The following S100A8 variants were observed in gnomAD, a reference collection of about 807,000 sequenced individuals.
The protein encoded by S100A8 is S100 calcium binding protein A8, also known as protein S100-A8.
S100A8 carries 1 observed loss-of-function variant against 4.2 expected under a neutral mutation model. That is an observed-to-expected ratio of 0.24 (90% CI 0.08 to 1.12). The LOEUF (loss-of-function observed/expected upper bound fraction) is 1.12. Among genes scored for constraint, S100A8 ranks in the 50% most tolerant of loss-of-function variants. The pLI is 0.53. For missense variants in S100A8, 96 were observed against 111.8 expected, an observed-to-expected ratio of 0.86 and a Z score of 0.64; for synonymous variants, 41 against 44.7, an observed-to-expected ratio of 0.92 and a Z score of 0.33.
chr1:153,399,482 C>G, the S100A8 span, among the ~76,000 whole-genome samples: 14 of 152,172 alleles, frequency 9.2e-5, no homozygotes, highest in Non-Finnish European at 1.8e-4. Context: ...TTAACTACAT[C>G]TCCCTGGGGT....
At chr1:153,417,913 G>C in the S100A8 span, 1 of 965,400 alleles carries the variant, frequency 1.0e-6, no homozygotes, top group Non-Finnish European at 1.5e-6. Context: ...TCTCATTTTT[G>C]AACAACTTAT....
chr1:153,399,465 C>T, the S100A8 span, among the ~76,000 whole-genome samples: 11 of 152,204 alleles, frequency 7.2e-5, no homozygotes, highest in Non-Finnish European at 1.5e-4. Flanking sequence ...TGGGGTCAGA[C>T]ACACACTTAA....
At chr1:153,419,149 A>T in the S100A8 span, 8 of 1,613,588 alleles carry the variant, frequency 5.0e-6, no homozygotes, top group Non-Finnish European at 6.8e-6. Context: ...TCACAGGACA[A>T]AAAGGGCATA....
At chr1:153,394,221 G>C (rs1662166004), upstream of S100A8, among the ~76,000 whole-genome samples, 1 of 152,218 alleles carries the variant, frequency 6.6e-6, no homozygotes, top group Admixed American at 6.5e-5. Context: ...AAGGAAATGA[G>C]GACAGAGCAG....
chr1:153,405,805 T>C, the S100A8 span, among the ~76,000 whole-genome samples: 1 of 151,988 alleles, frequency 6.6e-6, no homozygotes, highest in African/African-American at 2.4e-5. Flanking sequence ...TGCCTTCCCT[T>C]CAAAACCTAA....
the S100A8 span, chr1:153,418,191 AAGG>A: frequency 1.2e-6 from 2 of 1,613,968 alleles, no homozygotes; most frequent in African/African-American, 1.3e-5. Context: ...GACGATGATG[AAGG>A]AGAACTTCCC....
At chr1:153,408,224 T>C in the S100A8 span, among the ~76,000 whole-genome samples, 1 of 151,940 alleles carries the variant, frequency 6.6e-6, no homozygotes, top group Non-Finnish European at 1.5e-5. Flanking sequence ...GCTAAAAACT[T>C]TGAAAAAAAG....
chr1:153,391,862 C>T (rs1662108025), upstream of S100A8, among the ~76,000 whole-genome samples: 1 of 152,152 alleles, frequency 6.6e-6, no homozygotes, highest in South Asian at 2.1e-4. Flanking sequence ...CCCAGGATCA[C>T]TGGCTGAAGA....
chr1:153,397,317 G>A, the S100A8 span, among the ~76,000 whole-genome samples: 2 of 152,196 alleles, frequency 1.3e-5, no homozygotes, highest in Non-Finnish European at 2.9e-5. Context: ...CCTGCATCAG[G>A]AGCAATTCCC....
rs758791841 is a variant in S100A8, at chr1:153,390,206, A to T, written c.179T>A (p.Ile60Asn). 6.8e-6 allele frequency: 11 copies of T among 1,613,814 alleles called. No homozygotes were observed. In the South Asian group the frequency reaches 1.1e-4, roughly 16 times the overall value. Reference protein sequence around the residue: ...GADVWFKELDINTDGAVNFQE... With the variant: ...GADVWFKELDNNTDGAVNFQE... ...GAAGTTAACTGCACCATCAGTGTTG[A>T]TATCCAACTCTTTGAACCAGACGTC... The change falls in exon 3 of 3, where the codon ATC becomes AAC. Residue 60 changes from isoleucine (I) to asparagine (N), a missense_variant. Coordinates refer to ENST00000368733, the MANE Select transcript of S100A8 (RefSeq NM_002964.5).
chr1:153,391,301 G>C (rs2101609467), upstream of S100A8: 3 of 644,044 alleles, frequency 4.7e-6, no homozygotes, highest in South Asian at 1.4e-4. Context: ...GGAAAAAGCA[G>C]GTAGGGGGGC....
the S100A8 span, among the ~76,000 whole-genome samples, chr1:153,402,198 G>A: frequency 2.0e-5 from 3 of 152,194 alleles, no homozygotes; most frequent in Non-Finnish European, 4.4e-5. Flanking sequence ...CTTCCTCTTT[G>A]CTGAGCACTG....
At chr1:153,415,439 G>T in the S100A8 span, among the ~76,000 whole-genome samples, 1 of 152,184 alleles carries the variant, frequency 6.6e-6, no homozygotes, top group South Asian at 2.1e-4. Context: ...CATTGTAAGG[G>T]GGTAGCAGAA....
the S100A8 span, among the ~76,000 whole-genome samples, chr1:153,401,308 GGTGCTAGGTGCACCT>G: frequency 5.3e-5 from 8 of 152,258 alleles, no homozygotes; most frequent in South Asian, 1.7e-3. Flanking sequence ...CCACGTGTTA[GGTGCTAGGTGCACCT>G]GTGCTAGGTG....
At chr1:153,410,959 C>G in the S100A8 span, among the ~76,000 whole-genome samples, 1 of 152,034 alleles carries the variant, frequency 6.6e-6, no homozygotes, top group Non-Finnish European at 1.5e-5. Flanking sequence ...TCAATAAATT[C>G]GGTATTGATG....
At chr1:153,411,412 C>G in the S100A8 span, among the ~76,000 whole-genome samples, 1 of 152,180 alleles carries the variant, frequency 6.6e-6, no homozygotes, top group African/African-American at 2.4e-5. Context: ...ACCTAGGAAT[C>G]CAACTTACAA....
chr1:153,417,596 G>A, the S100A8 span, among the ~76,000 whole-genome samples: 8 of 152,218 alleles, frequency 5.3e-5, no homozygotes, highest in Admixed American at 2.6e-4. Context: ...GGCCCACGGT[G>A]TCTGGTTCCT....
the S100A8 span, among the ~76,000 whole-genome samples, chr1:153,397,562 A>C: frequency 6.6e-6 from 1 of 152,316 alleles, no homozygotes; most frequent in African/African-American, 2.4e-5. Context: ...CAGCACGGGG[A>C]CAGAGTGGGA....
At chr1:153,415,716 G>A in the S100A8 span, among the ~76,000 whole-genome samples, 2 of 150,134 alleles carry the variant, frequency 1.3e-5, no homozygotes, top group Non-Finnish European at 1.5e-5. Flanking sequence ...CATGGGGCGG[G>A]GGGGGCGGGG....
Sources: allele counts gnomAD v4.1 joint callset (sites outside exome capture counted in the v4.1 genomes callset), GRCh38; gene constraint gnomAD v4.1.1; transcripts MANE v1.5; gene names NCBI Gene and HGNC (gene_info 2026-07-23, HGNC 2026-07-21).